Variants in HOMER2 observed in about 807,000 individuals in gnomAD.
HOMER2 encodes homer protein homolog 2.
A neutral mutation model predicts 47.0 loss-of-function variants in HOMER2; 27 were observed. The observed-to-expected ratio is 0.57, with a 90% CI of 0.42 to 0.79. The LOEUF (loss-of-function observed/expected upper bound fraction) is 0.79, where lower values mean the gene tolerates loss of function less well. HOMER2 is among the 30% of genes least tolerant of loss of function. HOMER2 has a pLI of 0.00. For missense variants in HOMER2, 443 were observed against 435.0 expected, an observed-to-expected ratio of 1.02 and a Z score of -0.16; for synonymous variants, 161 against 163.8, an observed-to-expected ratio of 0.98 and a Z score of 0.13.
At position 82,952,636 on chromosome 15, in the gene HOMER2, G is replaced by A. The variant is rs2054533286; in HGVS notation, c.-101C>T. On this transcript the variant is annotated 5_prime_UTR_variant, in exon 1 of 9. Transcript: ENST00000450735. ...GCGCGGCACATGCGGCGGCCCGTGC[G>A]CGCCCGGCTCAGCCCCGGCGCCGCT... 9.7e-7 allele frequency: 1 copy of A among 1,028,860 alleles called. No individual in the cohort carries two copies. Among genetic ancestry groups the A allele is most frequent in the Non-Finnish European group, 1.2e-6 (1 of 859,794 alleles). 63.7% of individuals were successfully genotyped at this position (1,028,860 alleles called of 1,614,324 possible).
chr15:82,972,874 A>C (rs2030045911), intron 1 of HOMER2, among the ~76,000 whole-genome samples: 1 of 152,208 alleles, frequency 6.6e-6, no homozygotes, highest in African/African-American at 2.4e-5. Context: ...CTAAGCAGTG[A>C]GCCCACAGTT....
intron 1 of HOMER2, among the ~76,000 whole-genome samples, chr15:82,919,769 C>T (rs1365100448): frequency 6.6e-6 from 1 of 152,226 alleles, no homozygotes; most frequent in Non-Finnish European, 1.5e-5. Context: ...CCAATGTCAA[C>T]AGCAGAGTGC....
At chr15:82,981,863 T>C (rs1384911633) in intron 1 of HOMER2, among the ~76,000 whole-genome samples, 2 of 152,056 alleles carry the variant, frequency 1.3e-5, no homozygotes, top group Non-Finnish European at 2.9e-5. Context: ...GAAAATACAG[T>C]TATGGTTTAA....
At chr15:82,933,193 G>A (rs1461616364) in intron 1 of HOMER2, among the ~76,000 whole-genome samples, 1 of 151,740 alleles carries the variant, frequency 6.6e-6, no homozygotes, top group Non-Finnish European at 1.5e-5. Context: ...CTCTCCATAG[G>A]ATGGGCAGGG....
At chr15:82,957,392 A>G (rs1358129676), upstream of HOMER2, among the ~76,000 whole-genome samples, 2 of 152,208 alleles carry the variant, frequency 1.3e-5, no homozygotes, top group Admixed American at 1.3e-4. Flanking sequence ...ATTACTGGCT[A>G]TAATGGTGGA....
chr15:82,945,887 T>C (rs950585420), intron 1 of HOMER2, among the ~76,000 whole-genome samples: 4 of 151,924 alleles, frequency 2.6e-5, no homozygotes, highest in Admixed American at 6.6e-5. Context: ...GGAGAATCGC[T>C]TGAACCCAAG....
At chr15:82,910,114 C>T (rs1185135854) in intron 1 of HOMER2, among the ~76,000 whole-genome samples, 1 of 102,370 alleles carries the variant, frequency 9.8e-6, no homozygotes, top group Non-Finnish European at 1.7e-5. Flanking sequence ...GCCTGGGTAA[C>T]AGAGCAAGAT....
At chr15:82,941,437 T>C (rs2054263364) in intron 1 of HOMER2, among the ~76,000 whole-genome samples, 3 of 103,618 alleles carry the variant, frequency 2.9e-5, no homozygotes, top group Admixed American at 2.1e-4. Context: ...AGTGAGAGTC[T>C]GTCTCAAAAA....
intron 4 of HOMER2, among the ~76,000 whole-genome samples, chr15:82,859,795 A>C (rs1248404481): frequency 6.6e-6 from 1 of 152,160 alleles, no homozygotes; most frequent in East Asian, 1.9e-4. Context: ...TTTAGCCTCA[A>C]ATAAGTACAT....
chr15:82,893,058 A>G (rs1342584948), intron 1 of HOMER2, among the ~76,000 whole-genome samples: 1 of 152,140 alleles, frequency 6.6e-6, no homozygotes, highest in Non-Finnish European at 1.5e-5. Flanking sequence ...TTATCCCGAG[A>G]CTGCAGGGCA....
intron 1 of HOMER2, among the ~76,000 whole-genome samples, chr15:82,944,612 T>C (rs1372325321): frequency 6.6e-6 from 1 of 152,162 alleles, no homozygotes; most frequent in Non-Finnish European, 1.5e-5. Context: ...GTGAAGAAGG[T>C]TTTTCTTGTC....
At chr15:82,921,251 G>A (rs771360486) in intron 1 of HOMER2, among the ~76,000 whole-genome samples, 9 of 152,122 alleles carry the variant, frequency 5.9e-5, no homozygotes, top group Non-Finnish European at 1.3e-4. Flanking sequence ...TCGCACCACT[G>A]CACTCCAGCC....
At chr15:82,897,805 T>C (rs2052982969) in intron 1 of HOMER2, among the ~76,000 whole-genome samples, 1 of 152,156 alleles carries the variant, frequency 6.6e-6, no homozygotes, top group Non-Finnish European at 1.5e-5. Context: ...CCACATGAGC[T>C]TGGAAGCAGA....
At chr15:82,932,515 A>G (rs1019316399) in intron 1 of HOMER2, among the ~76,000 whole-genome samples, 5 of 151,984 alleles carry the variant, frequency 3.3e-5, no homozygotes, top group Non-Finnish European at 5.9e-5. Context: ...AAAAAAAAGA[A>G]AAAAGAAAAA....
chr15:82,972,951 T>C (rs890695316), intron 1 of HOMER2, among the ~76,000 whole-genome samples: 25 of 152,150 alleles, frequency 1.6e-4, no homozygotes, highest in Non-Finnish European at 2.8e-4. Flanking sequence ...AAATTCGGAG[T>C]ATACCTCCAT....
At chr15:82,967,802 G>A (rs560891797) in intron 1 of HOMER2, among the ~76,000 whole-genome samples, 37 of 151,914 alleles carry the variant, frequency 2.4e-4, no homozygotes, top group Admixed American at 9.2e-4. Context: ...ACTTGCACCC[G>A]GAAAGCGGAG....
intron 1 of HOMER2, among the ~76,000 whole-genome samples, chr15:82,938,075 A>C (rs1004306381): frequency 3.3e-5 from 5 of 152,190 alleles, no homozygotes; most frequent in African/African-American, 1.2e-4. Flanking sequence ...CACACAGAGA[A>C]GAAAATGCCA....
At chr15:82,914,284 AG>A (rs1252542940) in intron 1 of HOMER2, among the ~76,000 whole-genome samples, 1 of 151,112 alleles carries the variant, frequency 6.6e-6, no homozygotes, top group Admixed American at 6.6e-5. Context: ...AGGCTGAGGC[AG>A]GAGAACAGCG....
At chr15:82,943,003 A>T (rs1325471034) in intron 1 of HOMER2, among the ~76,000 whole-genome samples, 1 of 152,132 alleles carries the variant, frequency 6.6e-6, no homozygotes, top group Non-Finnish European at 1.5e-5. Flanking sequence ...GCCCAAGGGG[A>T]TTAAGGATGA....
Sources: gnomAD v4.1 joint callset for allele counts (sites outside exome capture counted in the v4.1 genomes callset) on GRCh38, gnomAD v4.1.1 for gene constraint, MANE v1.5 for transcripts, NCBI Gene and HGNC (gene_info 2026-07-23, HGNC 2026-07-21) for gene names.